The following ESR1 variants were observed in gnomAD, a reference collection of about 807,000 sequenced individuals.
ESR1 encodes the protein estrogen receptor.
In ESR1, 12 loss-of-function variants were observed where a neutral mutation model predicts 52.7. The observed-to-expected ratio is 0.23, with a 90% CI of 0.15 to 0.37. ESR1 has a LOEUF of 0.37. Ranked by LOEUF, ESR1 falls within the 10% of genes least tolerant of loss-of-function variation. The pLI, the probability that ESR1 is intolerant of heterozygous loss-of-function variation, is 1.00. For missense variants in ESR1, 584 were observed against 779.7 expected (o/e 0.75, Z 2.99); for synonymous variants, 305 against 316.8 (o/e 0.96, Z 0.39).
intron 3 of ESR1, among the ~76,000 whole-genome samples, chr6:151,935,617 C>G (rs369301794): frequency 6.6e-6 from 1 of 152,234 alleles, no homozygotes; most frequent in Non-Finnish European, 1.5e-5. Context: ...AAAGCAAGTC[C>G]TGACACCCAC....
chr6:152,106,407 C>T (rs2051067972), downstream of ESR1, among the ~76,000 whole-genome samples: 1 of 152,144 alleles, frequency 6.6e-6, no homozygotes, highest in Non-Finnish European at 1.5e-5. Context: ...TTCTTTTAGC[C>T]TGAAGCAATT....
At chr6:151,925,084 A>G (rs2032444124) in intron 3 of ESR1, among the ~76,000 whole-genome samples, 2 of 151,732 alleles carry the variant, frequency 1.3e-5, no homozygotes, top group South Asian at 4.1e-4. Context: ...CCAGCAGTGT[A>G]TAAGTCTTCC....
At chr6:151,775,687 A>C (rs963004781) in intron 2 of ESR1, among the ~76,000 whole-genome samples, 1 of 151,316 alleles carries the variant, frequency 6.6e-6, no homozygotes, top group Admixed American at 6.6e-5. Flanking sequence ...CGGAGCTTGC[A>C]GTGAGCCGAG....
At chr6:152,076,642 T>C (rs886301884) in intron 6 of ESR1, among the ~76,000 whole-genome samples, 3 of 152,176 alleles carry the variant, frequency 2.0e-5, no homozygotes, top group Admixed American at 6.5e-5. Flanking sequence ...GATAGTGATA[T>C]GAACAATAAA....
intron 5 of ESR1, among the ~76,000 whole-genome samples, chr6:152,027,087 C>G (rs1203960074): frequency 1.3e-5 from 2 of 152,052 alleles, no homozygotes; most frequent in Non-Finnish European, 2.9e-5. Flanking sequence ...CTGCCTCAGC[C>G]TCCCAAGTAC....
At chr6:151,967,100 TCTC>T (rs1374783359) in intron 4 of ESR1, among the ~76,000 whole-genome samples, 1 of 152,192 alleles carries the variant, frequency 6.6e-6, no homozygotes, top group African/African-American at 2.4e-5. Flanking sequence ...ATTGCAGTTT[TCTC>T]CTTTTTTATG....
At position 151,784,727 on chromosome 6, in the gene ESR1, T is replaced by G. The variant is rs971737659; in HGVS notation, c.-70-23116T>G. ...GGGTTCCAGCTGCCAGGACTTACTT[T>G]AGTTCTTTTAACATATCCTTCCCAC... On this transcript the variant is annotated intron_variant, in intron 2 of 2. Transcript: ENST00000404742. 2.4e-4 allele frequency among the ~76,000 whole-genome samples: 36 copies of G among 152,224 alleles called. 1 individual carries two copies. Among genetic ancestry groups the G allele is most frequent in the Non-Finnish European group, 8.8e-5 (6 of 68,046 alleles).
intron 3 of ESR1, among the ~76,000 whole-genome samples, chr6:151,883,535 G>A (rs901594242): frequency 4.0e-5 from 6 of 151,836 alleles, no homozygotes; most frequent in Admixed American, 1.3e-4. Flanking sequence ...CTTCTCACAA[G>A]CCCTGTTGGA....
chr6:151,812,004 T>C (rs1778911610), intron 1 of ESR1, among the ~76,000 whole-genome samples: 1 of 152,188 alleles, frequency 6.6e-6, no homozygotes, highest in Non-Finnish European at 1.5e-5. Context: ...TTATACTTAG[T>C]CTATGACATT....
intron 2 of ESR1, among the ~76,000 whole-genome samples, chr6:151,782,311 GA>G (rs1447837032): frequency 6.6e-6 from 1 of 152,134 alleles, no homozygotes; most frequent in Non-Finnish European, 1.5e-5. Context: ...AAAGAAACAA[GA>G]ATGTGTTTTT....
chr6:152,023,605 A>G (rs1353001363), intron 5 of ESR1, among the ~76,000 whole-genome samples: 1 of 152,208 alleles, frequency 6.6e-6, no homozygotes. Context: ...TTTCTACATC[A>G]AAAATGTCTG....
intron 3 of ESR1, among the ~76,000 whole-genome samples, chr6:151,917,957 A>G (rs920249972): frequency 1.3e-5 from 2 of 152,240 alleles, no homozygotes; most frequent in Non-Finnish European, 2.9e-5. Context: ...ATATTTTAAA[A>G]TGAATTGTAA....
chr6:152,089,702 C>T (rs1486520063), intron 6 of ESR1, among the ~76,000 whole-genome samples: 6 of 152,132 alleles, frequency 3.9e-5, no homozygotes, highest in Non-Finnish European at 7.4e-5. Flanking sequence ...CCTCAGCCTC[C>T]CGAGTAGCTG....
Position 151,669,107 on chromosome 6 carries a change from G to A in ESR1, n.73+12344G>A, listed in dbSNP as rs1303032326. On this transcript the variant is annotated intron_variant and non_coding_transcript_variant, in intron 1 of 2. Transcript: ENST00000473497. The stretch of plus-strand genomic sequence containing the variant: ...AGCTGTTGGCCAGAGCCGTGCTTCG[G>A]GGCGACTCACAACAGTGGTAGGAAG... Among the ~76,000 whole-genome samples the A allele has an allele frequency of 2.7e-5, 4 of 147,692 alleles. No homozygotes were observed. The Admixed American group carries it at 2.7e-4, about 10-fold the overall frequency.
intron 4 of ESR1, among the ~76,000 whole-genome samples, chr6:152,008,774 G>A (rs1282008836): frequency 6.6e-6 from 1 of 152,020 alleles, no homozygotes; most frequent in Non-Finnish European, 1.5e-5. Context: ...TGAGAAGAGA[G>A]ACAAAGCCTC....
At chr6:151,887,317 A>G (rs1439643236) in intron 3 of ESR1, among the ~76,000 whole-genome samples, 1 of 151,990 alleles carries the variant, frequency 6.6e-6, no homozygotes, top group Non-Finnish European at 1.5e-5. Context: ...TATTTATGAT[A>G]TTGAAACTAT....
intron 1 of ESR1, among the ~76,000 whole-genome samples, chr6:151,692,330 C>A (rs1450044866): frequency 1.3e-5 from 2 of 152,210 alleles, no homozygotes; most frequent in African/African-American, 4.8e-5. Flanking sequence ...ATCTGCAGGT[C>A]TTCTCTGAGT....
At chr6:151,793,215 C>G (rs947560518) in intron 2 of ESR1, among the ~76,000 whole-genome samples, 11 of 151,252 alleles carry the variant, frequency 7.3e-5, no homozygotes, top group Non-Finnish European at 1.5e-5. Flanking sequence ...AAATCAAAGT[C>G]ACAGACACAT....
intron 2 of ESR1, among the ~76,000 whole-genome samples, chr6:151,782,495 A>G (rs1489869093): frequency 3.3e-5 from 5 of 152,186 alleles, no homozygotes; most frequent in East Asian, 1.9e-4. Flanking sequence ...TGATGCTTCA[A>G]TGGATATCTC....
Sources: gnomAD v4.1 joint callset for allele counts (sites outside exome capture counted in the v4.1 genomes callset) on GRCh38, gnomAD v4.1.1 for gene constraint, MANE v1.5 for transcripts, NCBI Gene and HGNC (gene_info 2026-07-23, HGNC 2026-07-21) for gene names.